CTNNA3: variants seen among roughly 807,000 people sequenced by gnomAD.
The protein encoded by CTNNA3 is catenin alpha 3.
In CTNNA3, 76 loss-of-function variants were observed where a neutral mutation model predicts 95.7. The ratio of observed to expected loss-of-function variants is 0.79; its 90% CI spans 0.66 to 0.96. CTNNA3 has a LOEUF of 0.96. Ranked by LOEUF, CTNNA3 falls within the 40% of genes least tolerant of loss-of-function variation. The pLI is 0.00. For synonymous variants in CTNNA3, 431 were observed against 374.4 expected (o/e 1.15, Z -1.74); for missense variants, 1,191 against 1,089.8 (o/e 1.09, Z -1.31).
intron 7 of CTNNA3, among the ~76,000 whole-genome samples, chr10:66,950,760 C>G (rs1210378235): frequency 6.6e-6 from 1 of 152,108 alleles, no homozygotes; most frequent in Non-Finnish European, 1.5e-5. Context: ...ACTATTTAAT[C>G]CTTACAAAAA....
intron 7 of CTNNA3, among the ~76,000 whole-genome samples, chr10:66,998,218 T>C (rs1031196898): frequency 2.0e-5 from 3 of 152,186 alleles, no homozygotes; most frequent in Non-Finnish European, 2.9e-5. Context: ...TCCCATATAC[T>C]CCAGTGCTAC....
intron 7 of CTNNA3, among the ~76,000 whole-genome samples, chr10:66,866,470 A>C (rs2132426788): frequency 6.6e-6 from 1 of 152,356 alleles, no homozygotes; most frequent in East Asian, 1.9e-4. Context: ...ATTTTACAAA[A>C]ATAAGTAATT....
At position 67,030,981 on chromosome 10, in the gene CTNNA3, G is replaced by T. The variant is rs1853690879; in HGVS notation, c.1047+149336C>A. ...ATTGCATCGCTGCACTCCAGCCTGG[G>T]CAACAAGAGCGAAACTCCGTCTCAA... On this transcript the variant is annotated intron_variant, in intron 7 of 17. Transcript: ENST00000433211. 3.3e-5 allele frequency among the ~76,000 whole-genome samples: 5 copies of T among 152,198 alleles called. No homozygotes were observed. In the South Asian group the frequency reaches 1.0e-3, roughly 32 times the overall value.
chr10:67,245,284 G>A (rs756029804), intron 5 of CTNNA3, among the ~76,000 whole-genome samples: 43 of 152,242 alleles, frequency 2.8e-4, no homozygotes, highest in Middle Eastern at 3.4e-3. Flanking sequence ...TGGTCACCCT[G>A]TCTAAAAGTT....
At chr10:66,740,987 T>C (rs1158279749) in intron 9 of CTNNA3, among the ~76,000 whole-genome samples, 1 of 152,202 alleles carries the variant, frequency 6.6e-6, no homozygotes, top group Admixed American at 6.5e-5. Context: ...AAATGCAGAT[T>C]CATGGAATCA....
intron 13 of CTNNA3, among the ~76,000 whole-genome samples, chr10:66,267,709 T>C (rs1332709864): frequency 1.3e-5 from 2 of 152,144 alleles, no homozygotes; most frequent in Non-Finnish European, 2.9e-5. Context: ...TCATTGTATG[T>C]TTCCCATGTT....
chr10:65,929,571 CT>C (rs1273919265), intron 17 of CTNNA3, among the ~76,000 whole-genome samples: 517 of 142,958 alleles, frequency 3.6e-3, no homozygotes, highest in African/African-American at 5.1e-3. Flanking sequence ...TTCTTTCTTT[CT>C]TTTTTTTTTT....
At chr10:67,121,567 A>T (rs531724116) in intron 7 of CTNNA3, among the ~76,000 whole-genome samples, 1 of 152,084 alleles carries the variant, frequency 6.6e-6, no homozygotes, top group Non-Finnish European at 1.5e-5. Flanking sequence ...AGTTGAAAGT[A>T]TCATGTTTGG....
chr10:66,139,611 C>T (rs893322971), intron 13 of CTNNA3, among the ~76,000 whole-genome samples: 1 of 152,096 alleles, frequency 6.6e-6, no homozygotes, highest in Non-Finnish European at 1.5e-5. Context: ...TTGTGTTCCC[C>T]CCTTTTCTCC....
At chr10:67,016,993 T>C (rs994144623) in intron 7 of CTNNA3, among the ~76,000 whole-genome samples, 3 of 152,166 alleles carry the variant, frequency 2.0e-5, no homozygotes, top group Non-Finnish European at 4.4e-5. Flanking sequence ...GAATACCTTC[T>C]ATATATGAGA....
intron 3 of CTNNA3, among the ~76,000 whole-genome samples, chr10:67,581,553 T>A (rs1474655269): frequency 6.6e-6 from 1 of 152,222 alleles, no homozygotes; most frequent in Non-Finnish European, 1.5e-5. Flanking sequence ...GGCTTTGGTA[T>A]CAGGATGATG....
chr10:67,554,776 A>G (rs1202176661), intron 3 of CTNNA3, among the ~76,000 whole-genome samples: 2 of 152,134 alleles, frequency 1.3e-5, no homozygotes, highest in Non-Finnish European at 2.9e-5. Flanking sequence ...CCATTTGTCA[A>G]TTTTGGCTTT....
chr10:67,703,585 C>A (rs1193621949), intron 1 of CTNNA3, among the ~76,000 whole-genome samples: 1 of 152,168 alleles, frequency 6.6e-6, no homozygotes, highest in African/African-American at 2.4e-5. Flanking sequence ...GCCCTTCATG[C>A]TAAAAACTCT....
chr10:65,988,833 C>G (rs143460405), intron 15 of CTNNA3, 36 bp from the exon 16 acceptor site: 6 of 1,471,484 alleles, frequency 4.1e-6, no homozygotes, highest in Non-Finnish European at 5.7e-6. Context: ...CTGTGGTGTT[C>G]ATGAGAAAAT....
At chr10:66,981,512 T>C (rs1850441896) in intron 7 of CTNNA3, among the ~76,000 whole-genome samples, 1 of 152,206 alleles carries the variant, frequency 6.6e-6, no homozygotes, top group African/African-American at 2.4e-5. Flanking sequence ...CTCCTCCTCC[T>C]CATTTACAGC....
chr10:66,302,708 C>A (rs189447181), intron 12 of CTNNA3, among the ~76,000 whole-genome samples: 31 of 152,122 alleles, frequency 2.0e-4, no homozygotes, highest in Admixed American at 5.2e-4. Context: ...ACTTTACTAT[C>A]TGTACTATCA....
chr10:66,796,079 C>T (rs1333594033), intron 7 of CTNNA3, among the ~76,000 whole-genome samples: 2 of 152,108 alleles, frequency 1.3e-5, no homozygotes, highest in Admixed American at 6.6e-5. Flanking sequence ...TTCATGTGTT[C>T]ACTGGAGCAG....
intron 13 of CTNNA3, among the ~76,000 whole-genome samples, chr10:66,270,764 T>C (rs1209475545): frequency 6.6e-6 from 1 of 152,012 alleles, no homozygotes; most frequent in Non-Finnish European, 1.5e-5. Flanking sequence ...AGGCCTCCTG[T>C]GCAGAGTCTT....
chr10:67,377,858 C>T lies in CTNNA3; in HGVS notation c.579+143984G>A, dbSNP rs1843756731. Among the ~76,000 whole-genome samples, 3 of 152,122 alleles carry T rather than the reference C, an allele frequency of 2.0e-5. No homozygotes were observed. The South Asian group carries it at 6.2e-4, about 32-fold the overall frequency. On this transcript the variant is annotated intron_variant, in intron 5 of 17. Transcript: ENST00000433211. ...ATAGTCATCCTACAGTGCTAGAGAA[C>T]ACCAGAACTTATTCCTCCTATCTTG...
Sources: allele counts gnomAD v4.1 joint callset (sites outside exome capture counted in the v4.1 genomes callset), GRCh38; gene constraint gnomAD v4.1.1; transcripts MANE v1.5; gene names NCBI Gene and HGNC (gene_info 2026-07-23, HGNC 2026-07-21).